Variants in OSBPL5 observed in about 807,000 individuals in gnomAD.
The protein encoded by OSBPL5 is oxysterol binding protein like 5.
OSBPL5 carries 71 observed loss-of-function variants against 111.2 expected under a neutral mutation model. The observed-to-expected ratio is 0.64, with a 90% CI of 0.53 to 0.78. OSBPL5 has a LOEUF of 0.78. Ranked by LOEUF, OSBPL5 falls within the 30% of genes least tolerant of loss-of-function variation. The pLI is 0.00. For synonymous variants in OSBPL5, 549 were observed against 513.9 expected, an observed-to-expected ratio of 1.07 and a Z score of -0.93; for missense variants, 1,210 against 1,189.3, an observed-to-expected ratio of 1.02 and a Z score of -0.26.
chr11:3,102,380 T>C, intron 11 of OSBPL5, 99 bp from the exon 12 acceptor site: 1 of 1,097,514 alleles, frequency 9.1e-7, no homozygotes, highest in Non-Finnish European at 1.4e-6. Context: ...GTGGGTGGGC[T>C]ACCCGCTGCC....
chr11:3,159,683 G>GAGGGCC (rs1846894654), intron 1 of OSBPL5, among the ~76,000 whole-genome samples: 1 of 152,202 alleles, frequency 6.6e-6, no homozygotes, highest in Non-Finnish European at 1.5e-5. Flanking sequence ...TGCACCTGGG[G>GAGGGCC]AGGGCCAGGG....
chr11:3,118,293 T>C (rs569787118), intron 7 of OSBPL5, among the ~76,000 whole-genome samples: 47 of 152,328 alleles, frequency 3.1e-4, no homozygotes, highest in Middle Eastern at 6.8e-3. Context: ...CTGAGATAAA[T>C]GCAGATCTGA....
At chr11:3,136,579 T>A (rs1159141519) in intron 1 of OSBPL5, among the ~76,000 whole-genome samples, 1 of 152,144 alleles carries the variant, frequency 6.6e-6, no homozygotes, top group African/African-American at 2.4e-5. Context: ...ATGACTCCAG[T>A]GGTTGTGTGG....
At position 3,093,001 on chromosome 11, in the gene OSBPL5, G is replaced by A; in HGVS notation, c.1998C>T (p.Ala666=). The A allele has an allele frequency of 6.2e-7, 1 of 1,604,966 alleles. No individual in the cohort carries two copies. Among genetic ancestry groups the A allele is most frequent in the Non-Finnish European group, 8.5e-7 (1 of 1,177,110 alleles). Residue 666 remains alanine, a synonymous_variant, in exon 18 of 22, where the codon GCC becomes GCT. Coordinates refer to ENST00000263650, the MANE Select transcript of OSBPL5 (RefSeq NM_020896.4). ...RAISKGDQHR[A]TQEKFALEEA... The stretch of plus-strand genomic sequence containing the variant: ...CCTCCAGTGCAAACTTCTCCTGTGT[G>A]GCCCTGTGCTGGTCGCCCTTGCTGA...
At chr11:3,131,788 T>C (rs59108802) in intron 1 of OSBPL5, among the ~76,000 whole-genome samples, 5 of 91,668 alleles carry the variant, frequency 5.5e-5, no homozygotes, top group South Asian at 3.8e-4. Context: ...CATCCATCCA[T>C]CCACCTACCC....
intron 1 of OSBPL5, among the ~76,000 whole-genome samples, chr11:3,148,249 A>G (rs541235665): frequency 6.6e-6 from 1 of 152,182 alleles, no homozygotes; most frequent in Non-Finnish European, 1.5e-5. Context: ...ACCCCACTAC[A>G]TACTCCCCAA....
intron 1 of OSBPL5, among the ~76,000 whole-genome samples, chr11:3,132,227 G>A (rs1264503967): frequency 1.3e-5 from 2 of 152,036 alleles, no homozygotes; most frequent in African/African-American, 4.8e-5. Context: ...ATGCAATACA[G>A]GTGTGTACCA....
chr11:3,143,112 G>A (rs1360983267), intron 1 of OSBPL5, among the ~76,000 whole-genome samples: 4 of 93,532 alleles, frequency 4.3e-5, no homozygotes, highest in South Asian at 4.5e-4. Context: ...GTGCAGAGCC[G>A]GGCAGAGGAG....
rs548765853 is a variant in OSBPL5, at chr11:3,106,794, G to T, written c.1059+469C>A. Among the ~76,000 whole-genome samples the T allele has an allele frequency of 8.5e-5, 13 of 152,094 alleles. No homozygotes were observed. The highest frequency in any genetic ancestry group is 1.8e-4 in the Non-Finnish European group (12 of 67,956). On this transcript the variant is annotated intron_variant, in intron 9 of 21. Coordinates refer to ENST00000263650, the MANE Select transcript of OSBPL5 (RefSeq NM_020896.4). The surrounding 1 kb of genome is among the most constrained non-coding windows in gnomAD (Gnocchi z 8.4). The stretch of plus-strand genomic sequence containing the variant: ...GTTTCCTGCTGCCCATACACTGGGG[G>T]CCCAGAGCCCAGGTCTGTCTCATTC...
Position 3,109,080 on chromosome 11 carries a change from TTTTG to T in OSBPL5, c.692-1139_692-1136del, listed in dbSNP as rs1346092689. On this transcript the variant is annotated intron_variant, in intron 7 of 21. Transcript: ENST00000263650. The surrounding 1 kb of genome is among the most constrained non-coding windows in gnomAD (Gnocchi z 7.4). ...ACCACACCGGGTCAATAAGTGTGTT[TTTTG>T]TTTTTGTTTTTTTGTTGTTTTGAGA... 6.6e-6 allele frequency among the ~76,000 whole-genome samples: 1 copy of T among 151,028 alleles called. No individual in the cohort carries two copies. The highest frequency in any genetic ancestry group is 1.5e-5 in the Non-Finnish European group (1 of 67,780).
Position 3,126,187 on chromosome 11 carries a change from C to T in OSBPL5, c.219+286G>A, listed in dbSNP as rs1434849141. On this transcript the variant is annotated intron_variant, in intron 3 of 21. Coordinates refer to ENST00000263650, the MANE Select transcript of OSBPL5 (RefSeq NM_020896.4). This position sits in a 1 kb window ranked among gnomAD's most constrained non-coding sequence, Gnocchi z 6.5. ...GAATTACCATGTGACCTAGCAATTCCAATTACTCTAGGTTTATACCTGAGA... is the reference window on the plus strand; with the variant it reads ...GAATTACCATGTGACCTAGCAATTCTAATTACTCTAGGTTTATACCTGAGA... Among the ~76,000 whole-genome samples, 1 of 152,152 alleles carries T rather than the reference C, an allele frequency of 6.6e-6. No individual in the cohort carries two copies. The highest frequency in any genetic ancestry group is 1.5e-5 in the Non-Finnish European group (1 of 68,028).
chr11:3,149,133 G>A (rs190762964), intron 1 of OSBPL5, among the ~76,000 whole-genome samples: 212 of 152,336 alleles, frequency 1.4e-3, no homozygotes, highest in Non-Finnish European at 2.1e-3. Flanking sequence ...CTTAGCAATA[G>A]CCCTTTCCAG....
chr11:3,152,835 A>G (rs1846632454), intron 1 of OSBPL5, among the ~76,000 whole-genome samples: 3 of 152,220 alleles, frequency 2.0e-5, no homozygotes, highest in Non-Finnish European at 4.4e-5. Flanking sequence ...CCCTCTAAAC[A>G]GCCCAATCAA....
At position 3,102,268 on chromosome 11, in the gene OSBPL5, G is replaced by T; in HGVS notation, c.1340C>A (p.Pro447Gln). 1 of 1,600,948 alleles carries T rather than the reference G, an allele frequency of 6.2e-7. No homozygotes were observed. The highest frequency in any genetic ancestry group is 2.3e-5 in the East Asian group (1 of 44,416). ...GGTCTCCCCCAGGATGGGGTTGTACGGCTTCTTGATTCCCTGCAGACAACA... is the reference window on the plus strand; with the variant it reads ...GGTCTCCCCCAGGATGGGGTTGTACTGCTTCTTGATTCCCTGCAGACAACA... ...FYKKPKGIKK[P>Q]YNPILGETFR... The change falls in exon 12 of 22, where the codon CCG (proline) becomes CAG (glutamine). Residue 447 changes from proline to glutamine, a missense_variant. Transcript: ENST00000263650.
chr11:3,164,491 C>G (rs1331852950), intron 1 of OSBPL5: 1 of 152,672 alleles, frequency 6.5e-6, no homozygotes, highest in African/African-American at 2.4e-5. Context: ...CTGCAGACTC[C>G]AGCCTCCTTC....
chr11:3,120,274 G>T lies in OSBPL5; in HGVS notation c.606+147C>A, dbSNP rs539740381. On this transcript the variant is annotated intron_variant, in intron 6 of 21. Transcript: ENST00000263650. ...AGTGGCCATATCTGATCCCCTGGCC[G>T]CATGTGGGGCTCAGAGAAGGTGAGA... The T allele has an allele frequency of 9.5e-6, 9 of 949,774 alleles. No homozygotes were observed. The East Asian group carries it at 2.4e-4, about 25-fold the overall frequency. The allele number at this position is 949,774 out of a possible 1,614,324, so 58.8% of individuals were successfully genotyped here.
At chr11:3,108,231 C>T (rs1312314755) in intron 7 of OSBPL5, among the ~76,000 whole-genome samples, 1 of 152,190 alleles carries the variant, frequency 6.6e-6, no homozygotes, top group African/African-American at 2.4e-5. Context: ...GGCAGCCCTG[C>T]AGAGGCACCT....
intron 13 of OSBPL5, 110 bp from the exon 14 acceptor site, chr11:3,100,366 T>G: frequency 1.1e-6 from 1 of 871,536 alleles, no homozygotes. Context: ...AACACGCTCC[T>G]GGCACTTCCA....
At chr11:3,108,900 C>T (rs1857807953) in intron 7 of OSBPL5, among the ~76,000 whole-genome samples, 1 of 152,156 alleles carries the variant, frequency 6.6e-6, no homozygotes, top group South Asian at 2.1e-4. Context: ...TCCTGAGTAG[C>T]TGGGATTACA....
Sources: allele counts gnomAD v4.1 joint callset (sites outside exome capture counted in the v4.1 genomes callset), GRCh38; gene constraint gnomAD v4.1.1; non-coding constraint Gnocchi (gnomAD v3.1); transcripts MANE v1.5; gene names NCBI Gene and HGNC (gene_info 2026-07-23, HGNC 2026-07-21).